The following TRABD2B variants were observed in gnomAD, a reference collection of about 807,000 sequenced individuals.
The protein encoded by TRABD2B is TraB domain containing 2B.
In TRABD2B, 14 loss-of-function variants were observed where a neutral mutation model predicts 40.1. The observed-to-expected ratio is 0.35, with a 90% CI of 0.23 to 0.55. The LOEUF is 0.55. TRABD2B is among the 20% of genes least tolerant of loss of function. TRABD2B has a pLI of 0.90. For synonymous variants in TRABD2B, 263 were observed against 277.0 expected (o/e 0.95, Z 0.50); for missense variants, 541 against 648.6 (o/e 0.83, Z 1.80).
At chr1:47,884,830 G>A (rs561644909) in intron 2 of TRABD2B, among the ~76,000 whole-genome samples, 6 of 151,976 alleles carry the variant, frequency 3.9e-5, no homozygotes, top group Non-Finnish European at 5.9e-5. Flanking sequence ...TGGCCAGGCT[G>A]GTCTCGAACT....
intron 6 of TRABD2B, 42 bp from the exon 7 acceptor site, chr1:47,766,148 C>T (rs1449480103): frequency 7.1e-6 from 5 of 700,416 alleles, no homozygotes; most frequent in Middle Eastern, 3.0e-4. Context: ...CATCGGCAGC[C>T]TCGTCCTGGG....
chr1:47,775,464 G>A (rs760048689), intron 5 of TRABD2B, 25 bp from the exon 6 acceptor site: 399 of 1,234,170 alleles, frequency 3.2e-4, no homozygotes, highest in Non-Finnish European at 3.9e-4. Context: ...TGGCACATGG[G>A]GCACATGTGT....
intron 2 of TRABD2B, among the ~76,000 whole-genome samples, chr1:47,898,147 G>T (rs943714425): frequency 2.0e-5 from 3 of 152,160 alleles, no homozygotes; most frequent in African/African-American, 7.2e-5. Flanking sequence ...ATAAAAGCAG[G>T]CAGGTAAGCT....
At chr1:47,925,989 G>T (rs1251116654) in intron 2 of TRABD2B, among the ~76,000 whole-genome samples, 1 of 152,136 alleles carries the variant, frequency 6.6e-6, no homozygotes, top group African/African-American at 2.4e-5. Context: ...TTTTCCCTGT[G>T]TCATTCATAT....
intron 2 of TRABD2B, among the ~76,000 whole-genome samples, chr1:47,873,759 C>T (rs1644178352): frequency 6.6e-6 from 1 of 152,172 alleles, no homozygotes; most frequent in Non-Finnish European, 1.5e-5. Context: ...GCCCTGGGGA[C>T]TAGAACATTG....
rs1646089066 is a variant in TRABD2B at position 47,996,218 on chromosome 1, C to G, written c.102+470G>C. Among the ~76,000 whole-genome samples, 1 of 151,740 alleles carries G rather than the reference C, an allele frequency of 6.6e-6. No individual in the cohort carries two copies. Among genetic ancestry groups the G allele is most frequent in the Non-Finnish European group, 1.5e-5 (1 of 67,960 alleles). ...AACAGGGAGAAAGTTTGTCTTAGGTCAGAGTGGGAGGGCAGGGAGAGAGAG... is the reference window on the plus strand; with the variant it reads ...AACAGGGAGAAAGTTTGTCTTAGGTGAGAGTGGGAGGGCAGGGAGAGAGAG... On this transcript the variant is annotated intron_variant, in intron 1 of 6. Coordinates refer to ENST00000606738, the MANE Select transcript of TRABD2B (RefSeq NM_001194986.2). This position sits in a 1 kb window ranked among gnomAD's most constrained non-coding sequence, Gnocchi z 4.6.
At position 47,762,525 on chromosome 1, in the gene TRABD2B, G is replaced by C. The variant is rs1189417882; in HGVS notation, c.*3377C>G. ...GCTGGAGATTAGGCAAGTGGGACAA[G>C]GGGCCTGAGCACCTAGGCTTGTCCA... On this transcript the variant is annotated 3_prime_UTR_variant, in exon 7 of 7. Transcript: ENST00000606738. 1 of 152,230 alleles carries C rather than the reference G, an allele frequency of 6.6e-6. No individual in the cohort carries two copies. Among genetic ancestry groups the C allele is most frequent in the Non-Finnish European group, 1.5e-5 (1 of 68,048 alleles). 9.4% of individuals were successfully genotyped at this position (152,230 alleles called of 1,614,324 possible). A position where few individuals can be genotyped will look rare whatever the true frequency, so the allele number is the denominator to read the frequency against.
At chr1:47,817,219 C>T (rs953177153) in intron 2 of TRABD2B, among the ~76,000 whole-genome samples, 1 of 152,038 alleles carries the variant, frequency 6.6e-6, no homozygotes, top group African/African-American at 2.4e-5. Flanking sequence ...CCCCAACACC[C>T]CTGCCCCAGC....
chr1:47,903,697 C>T (rs1644636145), intron 2 of TRABD2B, among the ~76,000 whole-genome samples: 1 of 152,126 alleles, frequency 6.6e-6, no homozygotes, highest in African/African-American at 2.4e-5. Context: ...CAGTTCTGAA[C>T]CCAGATTGCA....
At chr1:47,869,340 A>G (rs1330959154) in intron 2 of TRABD2B, among the ~76,000 whole-genome samples, 1 of 152,228 alleles carries the variant, frequency 6.6e-6, no homozygotes, top group Non-Finnish European at 1.5e-5. Context: ...ACAAATAAAA[A>G]TATTTTCTGA....
At chr1:47,845,127 C>T (rs189208334) in intron 2 of TRABD2B, among the ~76,000 whole-genome samples, 1 of 152,130 alleles carries the variant, frequency 6.6e-6, no homozygotes, top group Admixed American at 6.5e-5. Flanking sequence ...CAGCTTTGGC[C>T]CCTGTGTTCC....
At chr1:47,979,409 C>T (rs867486241) in intron 2 of TRABD2B, among the ~76,000 whole-genome samples, 1 of 152,196 alleles carries the variant, frequency 6.6e-6, no homozygotes, top group Non-Finnish European at 1.5e-5. Context: ...ATTTAAAATG[C>T]CACTTTCCAG....
At chr1:47,884,677 G>C (rs184281626) in intron 2 of TRABD2B, among the ~76,000 whole-genome samples, 1 of 151,962 alleles carries the variant, frequency 6.6e-6, no homozygotes, top group Non-Finnish European at 1.5e-5. Context: ...GCAGTGTTGC[G>C]ATCTCGGCTC....
At chr1:47,855,386 A>G (rs1643880658) in intron 2 of TRABD2B, among the ~76,000 whole-genome samples, 2 of 152,186 alleles carry the variant, frequency 1.3e-5, no homozygotes, top group Non-Finnish European at 2.9e-5. Flanking sequence ...GCTGGAGTGT[A>G]TCCTTGTCTG....
intron 4 of TRABD2B, among the ~76,000 whole-genome samples, chr1:47,778,863 A>G (rs1414420704): frequency 3.3e-5 from 5 of 152,206 alleles, no homozygotes; most frequent in African/African-American, 1.2e-4. Flanking sequence ...ACCTGCACGT[A>G]GTAAGGGCTC....
intron 2 of TRABD2B, among the ~76,000 whole-genome samples, chr1:47,989,024 AG>A (rs2148456059): frequency 6.6e-6 from 1 of 152,340 alleles, no homozygotes; most frequent in South Asian, 2.1e-4. Flanking sequence ...GAATGGGATA[AG>A]GACCCTTACA....
chr1:47,806,749 T>C (rs76337901), intron 2 of TRABD2B, among the ~76,000 whole-genome samples: 3,996 of 152,310 alleles, frequency 0.026, 186 homozygotes, highest in African/African-American at 0.091. Context: ...AACAGGTTTA[T>C]TGTTCCAGAG....
chr1:47,994,917 G>A lies in TRABD2B; in HGVS notation c.103-320C>T, dbSNP rs1646068707. Among the ~76,000 whole-genome samples the A allele has an allele frequency of 6.6e-6, 1 of 152,150 alleles. No homozygotes were observed. The highest frequency in any genetic ancestry group is 1.5e-5 in the Non-Finnish European group (1 of 68,014). On this transcript the variant is annotated intron_variant, in intron 1 of 6. Coordinates refer to ENST00000606738, the MANE Select transcript of TRABD2B (RefSeq NM_001194986.2). The surrounding 1 kb of genome is among the most constrained non-coding windows in gnomAD (Gnocchi z 6.7). Reference sequence around the variant, plus strand: ...AATATATGTATATTAAGCCCTCAGAGCAGTGCCAGGTACAGAGGAAGTCAG... The same window carrying A: ...AATATATGTATATTAAGCCCTCAGAACAGTGCCAGGTACAGAGGAAGTCAG...
intron 2 of TRABD2B, among the ~76,000 whole-genome samples, chr1:47,890,321 C>T (rs1368084810): frequency 1.3e-5 from 2 of 152,230 alleles, no homozygotes; most frequent in Admixed American, 1.3e-4. Context: ...TAACACTGCC[C>T]CAGTTAGTAG....
Sources: gnomAD v4.1 joint callset for allele counts (sites outside exome capture counted in the v4.1 genomes callset) on GRCh38, gnomAD v4.1.1 for gene constraint, Gnocchi (gnomAD v3.1) non-coding constraint, MANE v1.5 for transcripts, NCBI Gene and HGNC (gene_info 2026-07-23, HGNC 2026-07-21) for gene names.